Variants in MMEL1 observed in about 807,000 individuals in gnomAD.
MMEL1 encodes the protein membrane metallo-endopeptidase-like 1.
MMEL1 carries 98 observed loss-of-function variants against 117.1 expected under a neutral mutation model. The ratio of observed to expected loss-of-function variants is 0.84; its 90% confidence interval spans 0.71 to 0.99. The LOEUF is 0.99. Ranked by LOEUF, MMEL1 falls within the 50% of genes least tolerant of loss-of-function variation. The pLI, the probability that MMEL1 is intolerant of heterozygous loss-of-function variation, is 0.00. For synonymous variants in MMEL1, 390 were observed against 415.1 expected, an observed-to-expected ratio of 0.94 and a Z score of 0.74; for missense variants, 1,014 against 1,049.1, an observed-to-expected ratio of 0.97 and a Z score of 0.46.
Position 2,629,423 on chromosome 1 carries a change from C to T in MMEL1, c.62G>A (p.Arg21His), listed in dbSNP as rs1366969879. Residue 21 changes from arginine to histidine, a missense_variant, in exon 2 of 24, where the codon CGC becomes CAC. Physicochemically the swap from Arg to His is conservative, Grantham distance 29 (BLOSUM62 0). Coordinates refer to ENST00000378412, the MANE Select transcript of MMEL1 (RefSeq NM_033467.4). ...CAGCCCCCCCTCCAGGAACCCCGGG[C>T]GCTTCTGCCCTGCACGGCCGGCGCT... ...VESAGRAGQK[R>H]PGFLEGGLLL... 1.3e-6 allele frequency: 2 copies of T among 1,545,558 alleles called. No individual in the cohort carries two copies. The highest frequency in any genetic ancestry group is 1.7e-6 in the Non-Finnish European group (2 of 1,146,042).
Position 2,610,931 on chromosome 1 carries a change from C to A in MMEL1, c.292+350G>T, listed in dbSNP as rs545373908. On this transcript the variant is annotated intron_variant, in intron 4 of 23. Transcript: ENST00000378412. ...TCATCTGCAAATAGCGGTACCTGAC[C>A]CCCAATTTTAAGACAAATGCCTGGG... 2.6e-5 allele frequency among the ~76,000 whole-genome samples: 4 copies of A among 152,346 alleles called. No individual in the cohort carries two copies. The South Asian group carries it at 8.3e-4, about 32-fold the overall frequency.
Position 2,611,348 on chromosome 1 carries a change from C to T in MMEL1, c.233-8G>A. ...CTTGGGCCTCTGGGATCCCTGCGGG[C>T]AAGGAGCAGCCTGAGCACCGGGAGC... On this transcript the variant is annotated splice_polypyrimidine_tract_variant and splice_region_variant and intron_variant, in intron 3 of 23. Coordinates refer to ENST00000378412, the MANE Select transcript of MMEL1 (RefSeq NM_033467.4). 1 of 1,521,492 alleles carries T rather than the reference C, an allele frequency of 6.6e-7. No individual in the cohort carries two copies. Among genetic ancestry groups the T allele is most frequent in the Non-Finnish European group, 8.8e-7 (1 of 1,134,482 alleles). 94.2% of individuals were successfully genotyped at this position (1,521,492 alleles called of 1,614,324 possible).
At position 2,592,830 on chromosome 1, in the gene MMEL1, C is replaced by T. The variant is rs771932414; in HGVS notation, c.2001+3G>A. On this transcript the variant is annotated splice_donor_region_variant and intron_variant, in intron 20 of 23. Coordinates refer to ENST00000378412, the MANE Select transcript of MMEL1 (RefSeq NM_033467.4). The stretch of plus-strand genomic sequence containing the variant: ...CAGCCTGGGTGCTGGTGGCAGCGCT[C>T]ACGTTCTGTTCGTCTGCCAGGTCCC... 6.2e-7 allele frequency: 1 copy of T among 1,613,368 alleles called. No individual in the cohort carries two copies. The highest frequency in any genetic ancestry group is 1.3e-5 in the African/African-American group (1 of 74,844).
chr1:2,604,120 G>GCGGGCCCCCCCCCC, intron 10 of MMEL1, 27 bp downstream of exon 10: 1 of 1,330,074 alleles, frequency 7.5e-7, no homozygotes, highest in Non-Finnish European at 1.1e-6. Flanking sequence ...CTCGCTGCCC[G>GCGGGCCCCCCCCCC]CTCCCCACCC....
chr1:2,609,258 T>A, intron 6 of MMEL1, 81 bp downstream of exon 6: 4 of 1,392,356 alleles, frequency 2.9e-6, no homozygotes, highest in Non-Finnish European at 4.0e-6. Context: ...AGCCATGGGG[T>A]CCTGGGGCTG....
intron 2 of MMEL1, among the ~76,000 whole-genome samples, chr1:2,623,911 G>A (rs1645329504): frequency 6.6e-6 from 1 of 152,222 alleles, no homozygotes; most frequent in Non-Finnish European, 1.5e-5. Context: ...AGGGTCAGGA[G>A]TAAAAATCCC....
At chr1:2,607,293 C>T (rs1645044889) in intron 6 of MMEL1, among the ~76,000 whole-genome samples, 1 of 152,194 alleles carries the variant, frequency 6.6e-6, no homozygotes, top group Non-Finnish European at 1.5e-5. Context: ...TGAGACTGGA[C>T]ACGGGCGTGA....
intron 9 of MMEL1, among the ~76,000 whole-genome samples, chr1:2,604,769 C>T (rs1644994933): frequency 1.3e-5 from 2 of 152,162 alleles, no homozygotes; most frequent in Admixed American, 6.5e-5. Context: ...TCGCGCTGGG[C>T]AGGGCTTCCC....
intron 2 of MMEL1, among the ~76,000 whole-genome samples, chr1:2,616,723 G>A (rs1032432978): frequency 6.6e-6 from 1 of 152,186 alleles, no homozygotes; most frequent in Non-Finnish European, 1.5e-5. Flanking sequence ...CGGGAGACCT[G>A]GACCCAAACA....
chr1:2,623,226 C>T (rs1404220041), intron 2 of MMEL1, among the ~76,000 whole-genome samples: 3 of 150,750 alleles, frequency 2.0e-5, no homozygotes, highest in South Asian at 2.1e-4. Flanking sequence ...GGTAGTGGTG[C>T]GAAGAGTTAA....
Position 2,593,904 on chromosome 1 carries a change from A to AG in MMEL1, c.1776dup (p.Phe593LeufsTer28), listed in dbSNP as rs753034899. On this transcript the variant is annotated frameshift_variant, in exon 19 of 24. Coordinates refer to ENST00000378412, the MANE Select transcript of MMEL1 (RefSeq NM_033467.4). LOFTEE classifies it high-confidence loss of function. ...GCCTGTGGCTGCTCCTTGCTGAAGA[A>AG]GGGGGGCTGGAGGATCCCGGCAGGG... 16 of 1,611,352 alleles carry AG rather than the reference A, an allele frequency of 9.9e-6. No individual in the cohort carries two copies. Among genetic ancestry groups the AG allele is most frequent in the South Asian group, 2.2e-5 (2 of 90,888 alleles).
chr1:2,596,749 G>C, intron 13 of MMEL1, 60 bp from the exon 14 acceptor site: 1 of 1,598,508 alleles, frequency 6.3e-7, no homozygotes, highest in Non-Finnish European at 8.5e-7. Context: ...GGCCTGGCGT[G>C]GGGCCCTGGG....
chr1:2,591,004 A>G lies in MMEL1; in HGVS notation c.2326T>C (p.Cys776Arg). The G allele has an allele frequency of 3.8e-6, 6 of 1,596,422 alleles. No individual in the cohort carries two copies. Among genetic ancestry groups the G allele is most frequent in the Non-Finnish European group, 5.1e-6 (6 of 1,173,136 alleles). ...CAGGGCCTTGGCTACCACACGCGGC[A>G]TCGCTCCTTGGGGTGCATGGGGGTG... ...RGTPMHPKERCRVW is the reference protein window; with the variant it reads ...RGTPMHPKERRRVW The change falls in exon 24 of 24, where the codon TGC becomes CGC. Residue 776 changes from cysteine (C) to arginine (R), a missense_variant. Coordinates refer to ENST00000378412, the MANE Select transcript of MMEL1 (RefSeq NM_033467.4).
chr1:2,616,656 A>G (rs1006729574), intron 2 of MMEL1, among the ~76,000 whole-genome samples: 1 of 152,242 alleles, frequency 6.6e-6, no homozygotes, highest in Non-Finnish European at 1.5e-5. Context: ...TGGGAAGACC[A>G]GATTGGTGGG....
intron 18 of MMEL1, 200 bp downstream of exon 18, chr1:2,594,185 G>A (rs560378951): frequency 7.9e-5 from 62 of 782,126 alleles, no homozygotes; most frequent in Admixed American, 5.3e-4. Context: ...GCTCTGGGCC[G>A]CCTGCCAAGT....
chr1:2,629,384 AGC>A lies in MMEL1; in HGVS notation c.99_100del (p.Leu34AlafsTer26). On this transcript the variant is annotated frameshift_variant, in exon 2 of 24. Coordinates refer to ENST00000378412, the MANE Select transcript of MMEL1 (RefSeq NM_033467.4). LOFTEE classifies it high-confidence loss of function. ...GGCCACCAGGGCAGCGGTCACCAGC[AGC>A]AGCAGCAGCAGCAGCCCCCCCTCCA... 1 of 1,538,926 alleles carries A rather than the reference AGC, an allele frequency of 6.5e-7. No homozygotes were observed.
chr1:2,591,336 T>G, intron 23 of MMEL1: 1 of 600,128 alleles, frequency 1.7e-6, no homozygotes, highest in Non-Finnish European at 3.0e-6. Context: ...ACAGAAACAT[T>G]CGCAGCCTGC....
At chr1:2,613,744 G>C (rs530526618) in intron 2 of MMEL1, among the ~76,000 whole-genome samples, 1 of 152,180 alleles carries the variant, frequency 6.6e-6, no homozygotes, top group Admixed American at 6.5e-5. Context: ...CCAGCTACTT[G>C]GGAGGCTGAG....
At chr1:2,630,413 GGT>G (rs1328766318) in intron 1 of MMEL1, among the ~76,000 whole-genome samples, 4 of 152,188 alleles carry the variant, frequency 2.6e-5, no homozygotes, top group African/African-American at 9.7e-5. Context: ...CACATGTTCT[GGT>G]GTGTGCATGT....
Sources: allele counts gnomAD v4.1 joint callset (sites outside exome capture counted in the v4.1 genomes callset), GRCh38; gene constraint gnomAD v4.1.1; transcripts MANE v1.5; gene names NCBI Gene and HGNC (gene_info 2026-07-23, HGNC 2026-07-21).